The following EPHA7 variants were observed in gnomAD, a reference collection of about 807,000 sequenced individuals.
EPHA7 encodes ephrin type-A receptor 7.
EPHA7 carries 25 observed loss-of-function variants against 112.6 expected under a neutral mutation model. That is an observed-to-expected ratio of 0.22 (90% CI 0.16 to 0.31). The LOEUF is 0.31. EPHA7 is among the 10% of genes least tolerant of loss of function. The pLI, the probability that EPHA7 is intolerant of heterozygous loss-of-function variation, is 1.00. For synonymous variants in EPHA7, 437 were observed against 406.5 expected (o/e 1.07, Z -0.90); for missense variants, 962 against 1,212.6 (o/e 0.79, Z 3.07).
At chr6:93,416,156 T>C (rs1246321658) in intron 1 of EPHA7, among the ~76,000 whole-genome samples, 2 of 152,172 alleles carry the variant, frequency 1.3e-5, no homozygotes, top group Admixed American at 1.3e-4. Context: ...CCACAACACT[T>C]TCAAAATGCC....
At chr6:93,352,080 CCTA>C (rs1775721940) in intron 5 of EPHA7, among the ~76,000 whole-genome samples, 1 of 152,026 alleles carries the variant, frequency 6.6e-6, no homozygotes, top group Admixed American at 6.6e-5. Flanking sequence ...TTCCCATTGG[CCTA>C]ATTCCACAAC....
At chr6:93,260,520 C>G (rs1770638855) in intron 9 of EPHA7, 3 of 958,288 alleles carry the variant, frequency 3.1e-6, no homozygotes, top group South Asian at 4.8e-5. Context: ...ACTGAACAAT[C>G]TTTTCATCAA....
intron 3 of EPHA7, among the ~76,000 whole-genome samples, chr6:93,393,843 T>C (rs1363544412): frequency 1.3e-5 from 2 of 151,856 alleles, no homozygotes; most frequent in South Asian, 2.1e-4. Flanking sequence ...CCCTCTTTTA[T>C]GGAAACTCTT....
intron 5 of EPHA7, among the ~76,000 whole-genome samples, chr6:93,330,453 A>T (rs1387684868): frequency 6.6e-6 from 1 of 151,266 alleles, no homozygotes; most frequent in Non-Finnish European, 1.5e-5. Flanking sequence ...TCTCTCCCCT[A>T]ACCTTCTCAG....
At position 93,296,039 on chromosome 6, in the gene EPHA7, G is replaced by A. The variant is rs540767223; in HGVS notation, c.1325-23617C>T. Among the ~76,000 whole-genome samples, 19 of 151,058 alleles carry A rather than the reference G, an allele frequency of 1.3e-4. No homozygotes were observed. The South Asian group carries it at 2.7e-3, about 22-fold the overall frequency. ...ATATAATTAAAATATTAATACTTTC[G>A]AGCAATAAATATTTTATGCCTTTCT... On this transcript the variant is annotated intron_variant, in intron 5 of 16. Coordinates refer to ENST00000369303, the MANE Select transcript of EPHA7 (RefSeq NM_004440.4).
intron 3 of EPHA7, among the ~76,000 whole-genome samples, chr6:93,402,019 C>T (rs1419652968): frequency 6.6e-6 from 1 of 151,898 alleles, no homozygotes; most frequent in Non-Finnish European, 1.5e-5. Context: ...AACTGCCTGC[C>T]AGAAACCGAT....
chr6:93,388,898 C>G (rs1777765023), intron 3 of EPHA7, among the ~76,000 whole-genome samples: 1 of 151,868 alleles, frequency 6.6e-6, no homozygotes, highest in Non-Finnish European at 1.5e-5. Flanking sequence ...AAAATCATAA[C>G]ATGATTGAAT....
chr6:93,402,436 A>G (rs1191102316), intron 3 of EPHA7, among the ~76,000 whole-genome samples: 2 of 152,038 alleles, frequency 1.3e-5, no homozygotes, highest in Non-Finnish European at 2.9e-5. Context: ...ACTAATAACA[A>G]TAGTTGTACC....
At chr6:93,282,011 CTATGTGCTTAAGTAAGCTTAT>C (rs1771767170) in intron 5 of EPHA7, among the ~76,000 whole-genome samples, 1 of 151,808 alleles carries the variant, frequency 6.6e-6, no homozygotes, top group Non-Finnish European at 1.5e-5. Flanking sequence ...ATATATGTCA[CTATGTGCTTAAGTAAGCTTAT>C]TAGTTCCTCT....
intron 5 of EPHA7, among the ~76,000 whole-genome samples, chr6:93,329,776 G>C (rs1344760098): frequency 6.6e-6 from 1 of 150,828 alleles, no homozygotes; most frequent in Admixed American, 6.6e-5. Flanking sequence ...AGGAGACTGC[G>C]GCAGAACTGG....
intron 5 of EPHA7, among the ~76,000 whole-genome samples, chr6:93,306,326 T>TA (rs1020519794): frequency 1.3e-5 from 2 of 151,898 alleles, no homozygotes; most frequent in South Asian, 2.1e-4. Flanking sequence ...GGTGAAAATA[T>TA]AAAAAAATGT....
chr6:93,390,369 G>A (rs553055345), intron 3 of EPHA7, among the ~76,000 whole-genome samples: 1 of 151,684 alleles, frequency 6.6e-6, no homozygotes, highest in African/African-American at 2.4e-5. Flanking sequence ...GCAATTTGAA[G>A]TAGGTCAGAA....
intron 5 of EPHA7, among the ~76,000 whole-genome samples, chr6:93,354,091 C>T (rs1466566442): frequency 6.6e-6 from 1 of 152,070 alleles, no homozygotes; most frequent in Non-Finnish European, 1.5e-5. Context: ...GAAATATAGA[C>T]TTAAATTCAT....
At chr6:93,394,243 G>A (rs1447406769) in intron 3 of EPHA7, among the ~76,000 whole-genome samples, 1 of 151,648 alleles carries the variant, frequency 6.6e-6, no homozygotes, top group Non-Finnish European at 1.5e-5. Context: ...AGCTGTATGT[G>A]CAGATATTGC....
chr6:93,414,106 C>G (rs1352901152), intron 2 of EPHA7, among the ~76,000 whole-genome samples: 1 of 151,824 alleles, frequency 6.6e-6, no homozygotes, highest in African/African-American at 2.4e-5. Context: ...TCACTCATAT[C>G]TATTGCAGAT....
In EPHA7 at chr6:93,269,608, G is replaced by A. The variant is rs749473870; in HGVS notation, c.1502C>T (p.Ser501Phe). ...STVKTKSTSA[S>F]INNLKPGTVY... ...TGTTCCTGGTTTCAGATTATTAATG[G>A]AGGCTGAAGTAGACTTGGTTTTTAC... The change falls in exon 7 of 17, where the codon TCC becomes TTC. Residue 501 changes from serine (S) to phenylalanine (F), a missense_variant. By Grantham distance (155) the Ser-to-Phe change is radical. Transcript: ENST00000369303. The A allele has an allele frequency of 1.7e-5, 27 of 1,599,126 alleles. No individual in the cohort carries two copies. Among genetic ancestry groups the A allele is most frequent in the Middle Eastern group, 3.3e-4 (2 of 5,998 alleles).
rs555192180 is a variant in EPHA7 at position 93,353,944 on chromosome 6, A to G, written c.1324+2773T>C. On this transcript the variant is annotated intron_variant, in intron 5 of 16. Coordinates refer to ENST00000369303, the MANE Select transcript of EPHA7 (RefSeq NM_004440.4). ...CTTAACAGAAAAGGAACTACAAAGT[A>G]CACACACTACCTTTCAAGCACTGGC... 1.6e-3 allele frequency among the ~76,000 whole-genome samples: 240 copies of G among 152,268 alleles called. 1 individual carries two copies. The highest frequency in any genetic ancestry group is 2.9e-3 in the South Asian group (14 of 4,828).
In EPHA7 at chr6:93,308,031, C is replaced by T. The variant is rs1253447201; in HGVS notation, c.1325-35609G>A. Reference sequence around the variant, plus strand: ...ATCCTGAGTTGCTGTGCTCTTGGTGCAGGGTGTAGGCTGGGAGAAATGCTA... The same window carrying T: ...ATCCTGAGTTGCTGTGCTCTTGGTGTAGGGTGTAGGCTGGGAGAAATGCTA... On this transcript the variant is annotated intron_variant, in intron 5 of 16. Coordinates refer to ENST00000369303, the MANE Select transcript of EPHA7 (RefSeq NM_004440.4). Among the ~76,000 whole-genome samples, 7 of 152,224 alleles carry T rather than the reference C, an allele frequency of 4.6e-5. No individual in the cohort carries two copies. In the South Asian group the frequency reaches 8.3e-4, roughly 18 times the overall value.
chr6:93,411,241 C>G (rs1196423019), intron 2 of EPHA7, 71 bp from the exon 3 acceptor site: 1 of 1,269,218 alleles, frequency 7.9e-7, no homozygotes. Flanking sequence ...AGTGCAAGTA[C>G]TTCACAAATA....
Sources: gnomAD v4.1 joint callset for allele counts (sites outside exome capture counted in the v4.1 genomes callset) on GRCh38, gnomAD v4.1.1 for gene constraint, MANE v1.5 for transcripts, NCBI Gene and HGNC (gene_info 2026-07-23, HGNC 2026-07-21) for gene names.